Variants in MCUB observed in about 807,000 individuals in gnomAD.
MCUB encodes the protein calcium uniporter regulatory subunit MCUb, mitochondrial.
A neutral mutation model predicts 41.4 loss-of-function variants in MCUB; 46 were observed. The ratio of observed to expected loss-of-function variants is 1.11; its 90% CI spans 0.88 to 1.42. MCUB has a LOEUF of 1.42. MCUB is among the 40% of genes most tolerant of loss of function. The pLI is 0.00. For synonymous variants in MCUB, 148 were observed against 148.2 expected, an observed-to-expected ratio of 1.00 and a Z score of 0.01; for missense variants, 403 against 404.9, an observed-to-expected ratio of 1.00 and a Z score of 0.04.
Position 109,618,952 on chromosome 4 carries a change from TTCTCTCTC to T in MCUB, c.100-40029_100-40022del, listed in dbSNP as rs10557098. 4.6e-3 allele frequency among the ~76,000 whole-genome samples: 587 copies of T among 127,724 alleles called. 7 individuals carry two copies. Among genetic ancestry groups the T allele is most frequent in the African/African-American group, 0.014 (473 of 32,966 alleles). The allele number at this position is 127,724 out of a possible 152,430, so 83.8% of individuals were successfully genotyped here. Reference sequence around the variant, plus strand: ...TCAAGTTCATTATTGAACATTAAACTTCTCTCTCTCTCTCTCTCTCTCTCTCTCTCTCT... The same window carrying T: ...TCAAGTTCATTATTGAACATTAAACTTCTCTCTCTCTCTCTCTCTCTCTCT... On this transcript the variant is annotated intron_variant, in intron 1 of 7. Coordinates refer to ENST00000394650, the MANE Select transcript of MCUB (RefSeq NM_017918.5).
intron 1 of MCUB, among the ~76,000 whole-genome samples, chr4:109,618,556 T>G (rs991185262): frequency 2.0e-5 from 3 of 152,236 alleles, no homozygotes; most frequent in African/African-American, 7.2e-5. Context: ...GTTAGGACTT[T>G]TTTGTTTATT....
intron 1 of MCUB, among the ~76,000 whole-genome samples, chr4:109,626,455 A>G (rs924066833): frequency 6.6e-6 from 1 of 152,166 alleles, no homozygotes; most frequent in African/African-American, 2.4e-5. Flanking sequence ...ATAAATAGTT[A>G]TAATTCAGAA....
chr4:109,635,704 C>T (rs1728575101), intron 1 of MCUB, among the ~76,000 whole-genome samples: 1 of 152,034 alleles, frequency 6.6e-6, no homozygotes, highest in Middle Eastern at 3.4e-3. Flanking sequence ...TCCTTCCTTC[C>T]TTCTCCCTTC....
At chr4:109,654,427 A>G (rs1023410999) in intron 1 of MCUB, among the ~76,000 whole-genome samples, 2 of 151,948 alleles carry the variant, frequency 1.3e-5, no homozygotes, top group African/African-American at 4.8e-5. Flanking sequence ...CCTGGCCAAT[A>G]TGGTGAAACC....
At chr4:109,625,407 A>G (rs184486423) in intron 1 of MCUB, among the ~76,000 whole-genome samples, 30 of 152,332 alleles carry the variant, frequency 2.0e-4, no homozygotes, top group Admixed American at 3.9e-4. Context: ...CCATGCAGCT[A>G]TCCTGTTTTT....
chr4:109,630,936 A>T (rs1328279048), intron 1 of MCUB, among the ~76,000 whole-genome samples: 3 of 152,114 alleles, frequency 2.0e-5, no homozygotes, highest in Non-Finnish European at 4.4e-5. Flanking sequence ...TGGACTTCCT[A>T]TTATACAAGC....
At chr4:109,643,566 G>A (rs892812588) in intron 1 of MCUB, among the ~76,000 whole-genome samples, 3 of 151,580 alleles carry the variant, frequency 2.0e-5, no homozygotes, top group Non-Finnish European at 4.4e-5. Context: ...GTGCAATGGC[G>A]CAATCTTGGC....
chr4:109,598,442 G>A (rs961125128), intron 1 of MCUB, among the ~76,000 whole-genome samples: 14 of 152,116 alleles, frequency 9.2e-5, no homozygotes, highest in Non-Finnish European at 1.5e-4. Flanking sequence ...AAAAAAATAC[G>A]AAAACCAGTC....
At chr4:109,622,234 G>A (rs1728264478) in intron 1 of MCUB, among the ~76,000 whole-genome samples, 1 of 152,146 alleles carries the variant, frequency 6.6e-6, no homozygotes, top group African/African-American at 2.4e-5. Flanking sequence ...AGGACAACAT[G>A]CTGCTTGTAA....
intron 1 of MCUB, among the ~76,000 whole-genome samples, chr4:109,603,500 C>T (rs1475849520): frequency 1.3e-5 from 2 of 152,200 alleles, no homozygotes; most frequent in African/African-American, 4.8e-5. Context: ...AAGATTGCAG[C>T]CTCTGCCCGG....
At chr4:109,644,195 AAAT>A (rs1393975962) in intron 1 of MCUB, among the ~76,000 whole-genome samples, 8 of 152,342 alleles carry the variant, frequency 5.3e-5, no homozygotes, top group African/African-American at 1.9e-4. Context: ...AAGTGGTAGA[AAAT>A]AAATAGAACA....
intron 1 of MCUB, among the ~76,000 whole-genome samples, chr4:109,647,181 T>C (rs886620237): frequency 6.6e-6 from 1 of 151,950 alleles, no homozygotes; most frequent in African/African-American, 2.4e-5. Flanking sequence ...TAAACCTTCA[T>C]TGGTACACCA....
rs181177130 is a variant in MCUB, at chr4:109,580,823, G to A, written c.99+20387G>A. 4.1e-4 allele frequency among the ~76,000 whole-genome samples: 62 copies of A among 152,244 alleles called. No homozygotes were observed. In the East Asian group the frequency reaches 8.1e-3, roughly 20 times the overall value. ...TGTAAAAATTTTCTCCCAGTCTGTA[G>A]GTTGTCTGTTCACTCTGATGGTAGT... On this transcript the variant is annotated intron_variant, in intron 1 of 7. Transcript: ENST00000394650.
chr4:109,656,446 G>T (rs1306548542), intron 1 of MCUB, among the ~76,000 whole-genome samples: 1 of 133,574 alleles, frequency 7.5e-6, no homozygotes, highest in Non-Finnish European at 1.5e-5. Flanking sequence ...CTACAATCTC[G>T]GTTCACTGCA....
intron 1 of MCUB, among the ~76,000 whole-genome samples, chr4:109,572,977 T>A (rs1237228687): frequency 6.6e-6 from 1 of 152,182 alleles, no homozygotes; most frequent in Non-Finnish European, 1.5e-5. Context: ...TTGGAAGTAT[T>A]TAATATTATT....
chr4:109,664,871 T>G lies in MCUB; in HGVS notation c.451+477T>G, dbSNP rs142015942. ...GATCTTGAATGCTTAACCGACATTA[T>G]TGGGTTAAGAGAGAGGTAGGCCTGA... On this transcript the variant is annotated intron_variant, in intron 4 of 7. Transcript: ENST00000394650. Among the ~76,000 whole-genome samples the G allele has an allele frequency of 1.8e-3, 270 of 152,244 alleles. 1 individual carries two copies. Among genetic ancestry groups the G allele is most frequent in the African/African-American group, 6.4e-3 (265 of 41,524 alleles).
chr4:109,638,471 A>G (rs985775119), intron 1 of MCUB, among the ~76,000 whole-genome samples: 1 of 151,868 alleles, frequency 6.6e-6, no homozygotes, highest in African/African-American at 2.4e-5. Context: ...GCTAGCAATC[A>G]TCTGAGCCTT....
chr4:109,627,687 C>T (rs542681249), intron 1 of MCUB, among the ~76,000 whole-genome samples: 1 of 152,158 alleles, frequency 6.6e-6, no homozygotes, highest in African/African-American at 2.4e-5. Flanking sequence ...CCAAGGTAGG[C>T]GGATCACCTG....
At chr4:109,660,568 C>T (rs911966096) in intron 3 of MCUB, among the ~76,000 whole-genome samples, 2 of 152,102 alleles carry the variant, frequency 1.3e-5, no homozygotes, top group South Asian at 2.1e-4. Flanking sequence ...GTAATCCCAG[C>T]ACTTTTGGGA....
Sources: allele counts gnomAD v4.1 joint callset (sites outside exome capture counted in the v4.1 genomes callset), GRCh38; gene constraint gnomAD v4.1.1; transcripts MANE v1.5; gene names NCBI Gene and HGNC (gene_info 2026-07-23, HGNC 2026-07-21).